Variants in RADIL observed in about 807,000 individuals in gnomAD.
The protein encoded by RADIL is Rap associating with DIL domain, also known as ras-associating and dilute domain-containing protein.
Under a neutral mutation model 97.6 loss-of-function variants are expected in RADIL, and 99 were observed. That is an observed-to-expected ratio of 1.01 (90% CI 0.86 to 1.20). The LOEUF is 1.20. Among genes scored for constraint, RADIL ranks in the 50% most tolerant of loss-of-function variants. The pLI, the probability that RADIL is intolerant of heterozygous loss-of-function variation, is 0.00. For missense variants in RADIL, 1,765 were observed against 1,498.9 expected (o/e 1.18, Z -2.93); for synonymous variants, 803 against 691.8 (o/e 1.16, Z -2.52).
chr7:4,871,886 C>G (rs965427739), intron 2 of RADIL, among the ~76,000 whole-genome samples: 1 of 152,196 alleles, frequency 6.6e-6, no homozygotes, highest in Non-Finnish European at 1.5e-5. Context: ...TTTGTTTAGC[C>G]TGAACCTTCC....
At position 4,854,642 on chromosome 7, in the gene RADIL, C is replaced by T. The variant is rs1783784690; in HGVS notation, c.536-18037G>A. 1.3e-5 allele frequency among the ~76,000 whole-genome samples: 2 copies of T among 151,968 alleles called. No individual in the cohort carries two copies. Among genetic ancestry groups the T allele is most frequent in the South Asian group, 4.1e-4 (2 of 4,822 alleles). Reference sequence around the variant, plus strand: ...CCGGGAGGCAAAGGTTGCAGTGAGCCGAGATGGCGCCACCGCACTCCACCC... The same window carrying T: ...CCGGGAGGCAAAGGTTGCAGTGAGCTGAGATGGCGCCACCGCACTCCACCC... On this transcript the variant is annotated intron_variant, in intron 2 of 14. Coordinates refer to ENST00000399583, the MANE Select transcript of RADIL (RefSeq NM_018059.5). The surrounding 1 kb of genome is among the most constrained non-coding windows in gnomAD (Gnocchi z 5.1).
In RADIL at chr7:4,800,201, G is replaced by C; in HGVS notation, c.2952C>G (p.Ser984=). The C allele has an allele frequency of 6.2e-7, 1 of 1,608,646 alleles. No homozygotes were observed. The highest frequency in any genetic ancestry group is 8.5e-7 in the Non-Finnish European group (1 of 1,178,278). Residue 984 remains serine, a synonymous_variant, in exon 13 of 15, where the codon TCC becomes TCG. Transcript: ENST00000399583. ...CGTCGATCAGGCCCATCCCCAGCCC[G>C]GAGGGGCCTCGTTCCAGCTCCACCG... is the stretch of plus-strand genomic sequence containing the variant. The part of the protein sequence containing the change: ...VFTVELERGP[S]GLGMGLIDGM...
At chr7:4,831,909 A>G (rs558215710) in intron 5 of RADIL, among the ~76,000 whole-genome samples, 4 of 152,168 alleles carry the variant, frequency 2.6e-5, no homozygotes, top group South Asian at 4.2e-4. Flanking sequence ...AAACAAAAAA[A>G]GAAGACCTCA....
In RADIL at chr7:4,803,685, A is replaced by C. The variant is rs1219472663; in HGVS notation, c.2360T>G (p.Leu787Trp). 1.5e-5 allele frequency: 23 copies of C among 1,560,180 alleles called. No homozygotes were observed. The highest frequency in any genetic ancestry group is 2.0e-5 in the Non-Finnish European group (23 of 1,152,924). ...GCTGTCGTCCAGGCAGTTGGCTTCC[A>C]AGTCCACCTGGAAGCCGTCGCTGGG... ...VLPSDGFQVD[L>W]EANCLDDSIY... The change falls in exon 11 of 15, where the codon TTG (leucine) becomes TGG (tryptophan). Residue 787 changes from leucine to tryptophan, a missense_variant. Transcript: ENST00000399583.
intron 2 of RADIL, among the ~76,000 whole-genome samples, chr7:4,852,188 GAC>G (rs1783725645): frequency 6.6e-6 from 1 of 152,186 alleles, no homozygotes; most frequent in Admixed American, 6.5e-5. Flanking sequence ...AGGGAACAGA[GAC>G]ACTGAAAAAT....
Position 4,799,698 on chromosome 7 carries a change from C to A in RADIL, c.3054G>T (p.Gly1018=). The A allele has an allele frequency of 6.3e-7, 1 of 1,578,592 alleles. No homozygotes were observed. The change falls in exon 14 of 15, where the codon GGG becomes GGT. Residue 1018 remains glycine, a synonymous_variant. Transcript: ENST00000399583. ...GGATACGGTCCCCCAGCGACAGGCG[C>A]CCGTCGGCCGCTGCGGGGCTGCCCG... ...LLPGSPAAAD[G]RLSLGDRILE... is the part of the protein sequence containing the mutation.
In RADIL at chr7:4,815,379, A is replaced by G. The variant is rs1481537189; in HGVS notation, c.2038T>C (p.Trp680Arg). The change falls in exon 9 of 15, where the codon TGG (tryptophan) becomes CGG (arginine). Residue 680 changes from tryptophan (W) to arginine (R), a missense_variant. Physicochemically the swap from Trp to Arg is moderately radical, Grantham distance 101. Transcript: ENST00000399583. This position sits in a 1 kb window ranked among gnomAD's most constrained non-coding sequence, Gnocchi z 8.0. ...ACARLQQLLE[W>R]MRSAGFGAAG... ...GCCCCGAAGCCGGCGCTCCGCATCC[A>G]CTCCAGGAGCTGCTGCAGGCGGGCG... is the stretch of plus-strand genomic sequence containing the variant. The G allele has an allele frequency of 6.4e-7, 1 of 1,564,620 alleles. No individual in the cohort carries two copies. The highest frequency in any genetic ancestry group is 2.3e-5 in the East Asian group (1 of 43,044).
Position 4,822,278 on chromosome 7 carries a change from C to T in RADIL, c.1615+116G>A, listed in dbSNP as rs973627307. The T allele has an allele frequency of 6.0e-5, 76 of 1,275,416 alleles. No individual in the cohort carries two copies. The highest frequency in any genetic ancestry group is 4.2e-4 in the African/African-American group (28 of 66,514). The allele number at this position is 1,275,416 out of a possible 1,614,324, so 79.0% of individuals were successfully genotyped here. On this transcript the variant is annotated intron_variant, in intron 6 of 14. Transcript: ENST00000399583. This position sits in a 1 kb window ranked among gnomAD's most constrained non-coding sequence, Gnocchi z 5.3. ...GCAGCCTAGGGACTGAGGAAGCCCC[C>T]GGCATGAATCCACCCCTGCTATCAT...
In RADIL at chr7:4,817,293, C is replaced by G. The variant is rs761762540; in HGVS notation, c.1674G>C (p.Val558=). The G allele has an allele frequency of 7.4e-6, 12 of 1,612,630 alleles. No individual in the cohort carries two copies. The highest frequency in any genetic ancestry group is 1.0e-5 in the Non-Finnish European group (12 of 1,179,802). The change falls in exon 7 of 15, where the codon GTG becomes GTC. Residue 558 remains valine, a synonymous_variant. Coordinates refer to ENST00000399583, the MANE Select transcript of RADIL (RefSeq NM_018059.5). This position sits in a 1 kb window ranked among gnomAD's most constrained non-coding sequence, Gnocchi z 8.3. ...AGGCGTACAGCACCACCTCCTCCAG[C>G]ACCGCCATGGCCTCCTCGCTGGCCG... The part of the protein sequence containing the change: ...TLTASEEAMA[V]LEEVVLYAFQ...
chr7:4,828,732 T>C (rs963178496), intron 5 of RADIL, among the ~76,000 whole-genome samples: 1 of 152,188 alleles, frequency 6.6e-6, no homozygotes, highest in African/African-American at 2.4e-5. Flanking sequence ...TTCATTATTT[T>C]ACAAAGGAAA....
In RADIL at chr7:4,837,013, G is replaced by A. The variant is rs1029326643; in HGVS notation, c.536-408C>T. Among the ~76,000 whole-genome samples, 3 of 152,110 alleles carry A rather than the reference G, an allele frequency of 2.0e-5. No homozygotes were observed. Among genetic ancestry groups the A allele is most frequent in the Non-Finnish European group, 4.4e-5 (3 of 68,018 alleles). On this transcript the variant is annotated intron_variant, in intron 2 of 14. Coordinates refer to ENST00000399583, the MANE Select transcript of RADIL (RefSeq NM_018059.5). The surrounding 1 kb of genome is among the most constrained non-coding windows in gnomAD (Gnocchi z 5.6). ...CTGAGTTCAAATCCCACTAAGCCAC[G>A]TCTCCTAATGCCGTTACTGTTCTGT...
rs968802173 is a variant in RADIL, at chr7:4,874,724, G to C, written c.535+2881C>G. Reference sequence around the variant, plus strand: ...ACAGGCTGTGAGCAGGGGTGCTTTCGCTCGCCCTGAATAATTTAACAGGAA... The same window carrying C: ...ACAGGCTGTGAGCAGGGGTGCTTTCCCTCGCCCTGAATAATTTAACAGGAA... On this transcript the variant is annotated intron_variant, in intron 2 of 14. Transcript: ENST00000399583. Among the ~76,000 whole-genome samples the C allele has an allele frequency of 7.2e-5, 11 of 152,308 alleles. No individual in the cohort carries two copies. In the South Asian group the frequency reaches 2.3e-3, roughly 32 times the overall value.
rs1164870779 is a variant in RADIL at position 4,835,850 on chromosome 7, G to A, written c.783+508C>T. 6.6e-6 allele frequency among the ~76,000 whole-genome samples: 1 copy of A among 152,256 alleles called. No homozygotes were observed. Among genetic ancestry groups the A allele is most frequent in the Non-Finnish European group, 1.5e-5 (1 of 68,046 alleles). On this transcript the variant is annotated intron_variant, in intron 3 of 14. Transcript: ENST00000399583. This position sits in a 1 kb window ranked among gnomAD's most constrained non-coding sequence, Gnocchi z 5.8. The stretch of plus-strand genomic sequence containing the variant: ...GGTGAGGCGAGGTGGCCCTGCGCCT[G>A]GCATTTGCTCGGGGCGACAGCCTGC...
chr7:4,858,062 T>C (rs901703075), intron 2 of RADIL: 1 of 152,554 alleles, frequency 6.6e-6, no homozygotes, highest in Non-Finnish European at 1.5e-5. Flanking sequence ...AATACAGATA[T>C]TGTGCACACT....
chr7:4,846,123 CTTTTTTTTT>C (rs548251052), intron 2 of RADIL, among the ~76,000 whole-genome samples: 2 of 143,622 alleles, frequency 1.4e-5, no homozygotes, highest in African/African-American at 5.0e-5. Flanking sequence ...CTACAATCTT[CTTTTTTTTT>C]TTTTTTTTTT....
At chr7:4,869,817 G>C (rs1784212488) in intron 2 of RADIL, among the ~76,000 whole-genome samples, 1 of 152,066 alleles carries the variant, frequency 6.6e-6, no homozygotes, top group South Asian at 2.1e-4. Flanking sequence ...AGGCATTCGA[G>C]AATCTGACTC....
chr7:4,851,772 T>C (rs1783714823), intron 2 of RADIL, among the ~76,000 whole-genome samples: 2 of 152,192 alleles, frequency 1.3e-5, no homozygotes, highest in South Asian at 4.1e-4. Context: ...GAACCAGGAC[T>C]GGACAAGTTT....
intron 5 of RADIL, among the ~76,000 whole-genome samples, chr7:4,825,407 T>C (rs1424507098): frequency 6.6e-6 from 1 of 152,196 alleles, no homozygotes; most frequent in Non-Finnish European, 1.5e-5. Context: ...CCACAGCCTA[T>C]GCATGCCTGT....
At chr7:4,851,517 A>G (rs914124118) in intron 2 of RADIL, among the ~76,000 whole-genome samples, 6 of 152,188 alleles carry the variant, frequency 3.9e-5, no homozygotes, top group African/African-American at 1.4e-4. Context: ...GAAGGCTCAG[A>G]AGGAAGCGAG....
Sources: allele counts gnomAD v4.1 joint callset (sites outside exome capture counted in the v4.1 genomes callset), GRCh38; gene constraint gnomAD v4.1.1; non-coding constraint Gnocchi (gnomAD v3.1); transcripts MANE v1.5; gene names NCBI Gene and HGNC (gene_info 2026-07-23, HGNC 2026-07-21).